Variants in SASS6 observed in about 807,000 individuals in gnomAD.
SASS6 encodes the protein spindle assembly abnormal protein 6 homolog.
Under a neutral mutation model 94.9 loss-of-function variants are expected in SASS6, and 59 were observed. The observed-to-expected ratio is 0.62, with a 90% CI of 0.50 to 0.77. The LOEUF (loss-of-function observed/expected upper bound fraction) is 0.77, where lower values mean the gene tolerates loss of function less well. Among genes scored for constraint, SASS6 ranks in the 30% least tolerant of loss-of-function variants. SASS6 has a pLI of 0.00. For missense variants in SASS6, 698 were observed against 734.1 expected, an observed-to-expected ratio of 0.95 and a Z score of 0.57; for synonymous variants, 264 against 270.0, an observed-to-expected ratio of 0.98 and a Z score of 0.22.
chr1:100,121,362 T>TA lies in SASS6; in HGVS notation c.483+15dup. 6.8e-7 allele frequency: 1 copy of TA among 1,467,446 alleles called. No individual in the cohort carries two copies. Among genetic ancestry groups the TA allele is most frequent in the Non-Finnish European group, 9.3e-7 (1 of 1,080,082 alleles). 90.9% of individuals were successfully genotyped at this position (1,467,446 alleles called of 1,614,324 possible). A position where few individuals can be genotyped will look rare whatever the true frequency, so the allele number is the denominator to read the frequency against. On this transcript the variant is annotated intron_variant, in intron 5 of 16. Transcript: ENST00000287482. ...TACTTATTTTGTTAAAAGAATAACT[T>TA]AAATTTAAATCTTACCTTGCTACAT...
At chr1:100,130,804 C>A (rs1020881722) in intron 1 of SASS6, among the ~76,000 whole-genome samples, 4 of 151,954 alleles carry the variant, frequency 2.6e-5, no homozygotes, top group African/African-American at 9.7e-5. Flanking sequence ...TTAGGCTTTG[C>A]GGGCCATAAG....
Position 100,122,395 on chromosome 1 carries a change from G to T in SASS6, c.296C>A (p.Ala99Asp). ...DLLQQCTQEH[A>D]KEIPRFLLQL... The stretch of plus-strand genomic sequence containing the variant: ...TGCAACTTACCTTGGAATTTCTTTG[G>T]CATGTTCTTGAGTACATTGCTGAAG... The change falls in exon 4 of 17, where the codon GCC becomes GAC. Residue 99 changes from alanine (A) to aspartate (D), a missense_variant. By Grantham distance (126) the Ala-to-Asp change is moderately radical. Coordinates refer to ENST00000287482, the MANE Select transcript of SASS6 (RefSeq NM_194292.3). 3 of 1,492,050 alleles carry T rather than the reference G, an allele frequency of 2.0e-6. No individual in the cohort carries two copies. The highest frequency in any genetic ancestry group is 1.7e-4 in the Middle Eastern group (1 of 5,776). 92.4% of individuals were successfully genotyped at this position (1,492,050 alleles called of 1,614,324 possible). A position where few individuals can be genotyped will look rare whatever the true frequency, so the allele number is the denominator to read the frequency against.
intron 8 of SASS6, among the ~76,000 whole-genome samples, 164 bp downstream of exon 8, chr1:100,110,125 CTTT>C (rs1010422763): frequency 4.1e-4 from 62 of 152,042 alleles, no homozygotes; most frequent in African/African-American, 1.5e-3. Context: ...ATGAATTATG[CTTT>C]TTATCAAATT....
intron 14 of SASS6, among the ~76,000 whole-genome samples, chr1:100,094,913 G>A (rs560817552): frequency 2.7e-5 from 4 of 150,634 alleles, no homozygotes; most frequent in Admixed American, 6.6e-5. Flanking sequence ...TAACTCCAGC[G>A]ATATATAAAA....
chr1:100,131,450 A>C (rs891135998), intron 1 of SASS6, among the ~76,000 whole-genome samples: 3 of 152,216 alleles, frequency 2.0e-5, no homozygotes, highest in African/African-American at 4.8e-5. Flanking sequence ...CAATATACCC[A>C]AAAATATTGC....
intron 1 of SASS6, among the ~76,000 whole-genome samples, chr1:100,130,174 G>A (rs1283688000): frequency 6.6e-6 from 1 of 152,200 alleles, no homozygotes; most frequent in Admixed American, 6.5e-5. Context: ...CTCCTAATCT[G>A]TGCTATGGTG....
chr1:100,106,599 C>T (rs933373782), intron 12 of SASS6, among the ~76,000 whole-genome samples: 7 of 152,178 alleles, frequency 4.6e-5, no homozygotes, highest in Middle Eastern at 6.8e-3. Flanking sequence ...TAAACCTAAA[C>T]GCAGCAATCT....
At chr1:100,099,049 C>T (rs580663) in intron 14 of SASS6, among the ~76,000 whole-genome samples, 12,930 of 152,174 alleles carry the variant, frequency 0.085, 893 homozygotes, top group African/African-American at 0.19. Context: ...GCTTCCCATA[C>T]TTACACATTA....
At chr1:100,110,527 A>G in intron 7 of SASS6, 44 bp from the exon 8 acceptor site, 1 of 1,022,324 alleles carries the variant, frequency 9.8e-7, no homozygotes, top group African/African-American at 1.7e-5. Flanking sequence ...AAAGAAAAAA[A>G]TCAGAAATAC....
chr1:100,108,024 AAATT>A lies in SASS6; in HGVS notation c.862-24_862-21del. 6.7e-7 allele frequency: 1 copy of A among 1,496,134 alleles called. No homozygotes were observed. The allele number at this position is 1,496,134 out of a possible 1,614,324, so 92.7% of individuals were successfully genotyped here. On this transcript the variant is annotated intron_variant, in intron 8 of 16. Transcript: ENST00000287482. ...TAGCTCCTAGAATGGGAAAAGAAAG[AAATT>A]AAGCATTATGAAAAAAGGAAGCTGC...
At chr1:100,097,409 C>A (rs1055735750) in intron 14 of SASS6, among the ~76,000 whole-genome samples, 2 of 152,220 alleles carry the variant, frequency 1.3e-5, no homozygotes, top group Non-Finnish European at 2.9e-5. Context: ...TGTCCATCAA[C>A]TGATGAATGA....
intron 14 of SASS6, among the ~76,000 whole-genome samples, chr1:100,093,174 CTT>C (rs909537970): frequency 9.5e-4 from 83 of 87,390 alleles, no homozygotes; most frequent in African/African-American, 3.5e-3. Flanking sequence ...CTATTGTTTT[CTT>C]TTTTTTTTTT....
chr1:100,085,378 G>A lies in SASS6; in HGVS notation c.1924C>T (p.Leu642Phe), dbSNP rs1271730418. Residue 642 changes from leucine (L) to phenylalanine (F), a missense_variant, in exon 17 of 17, where the codon CTC (leucine) becomes TTC (phenylalanine). Coordinates refer to ENST00000287482, the MANE Select transcript of SASS6 (RefSeq NM_194292.3). The stretch of plus-strand genomic sequence containing the variant: ...AAATAGGCTGAAGACGCAGAGGGGA[G>A]CGCTGTGGGTTTGGAAGATGTATGT... ...ALHTSSKPTA[L>F]PSASSAYFPG... 1 of 1,613,556 alleles carries A rather than the reference G, an allele frequency of 6.2e-7. No homozygotes were observed. Among genetic ancestry groups the A allele is most frequent in the Non-Finnish European group, 8.5e-7 (1 of 1,179,616 alleles).
intron 1 of SASS6, among the ~76,000 whole-genome samples, chr1:100,131,350 T>C (rs1457504552): frequency 6.6e-6 from 1 of 152,098 alleles, no homozygotes; most frequent in Non-Finnish European, 1.5e-5. Context: ...CCACCATACC[T>C]AGCCTACTTT....
chr1:100,119,025 G>C lies in SASS6; in HGVS notation c.662C>G (p.Ala221Gly), dbSNP rs753169135. ...SQELTNEKEKALQAQVQYQQQ... is the reference protein window; with the variant it reads ...SQELTNEKEKGLQAQVQYQQQ... ...TTCCTTTAATGTTCTTACCTGCAAG[G>C]CTTTTTCCTTTTCATTTGTCAGTTC... Residue 221 changes from alanine to glycine, a missense_variant, in exon 7 of 17, where the codon GCC (alanine) becomes GGC (glycine). Ala to Gly is a moderately conservative substitution (Grantham distance 60). Transcript: ENST00000287482. The C allele has an allele frequency of 2.5e-5, 39 of 1,570,334 alleles. No homozygotes were observed. The highest frequency in any genetic ancestry group is 2.7e-5 in the Non-Finnish European group (31 of 1,155,394).
intron 14 of SASS6, among the ~76,000 whole-genome samples, chr1:100,095,384 A>T (rs1161785764): frequency 1.3e-5 from 2 of 152,126 alleles, no homozygotes; most frequent in Non-Finnish European, 2.9e-5. Context: ...ACAAAAAATT[A>T]GCTGGGGGTA....
intron 7 of SASS6, among the ~76,000 whole-genome samples, chr1:100,116,349 A>C (rs55714626): frequency 0.039 from 5,950 of 152,248 alleles, 411 homozygotes; most frequent in African/African-American, 0.13. Flanking sequence ...TGGGCACTTG[A>C]AAAGAGAATA....
At chr1:100,085,693 CAT>C in intron 15 of SASS6, 63 bp from the exon 16 acceptor site, 1 of 863,130 alleles carries the variant, frequency 1.2e-6, no homozygotes, top group Non-Finnish European at 1.9e-6. Flanking sequence ...AGGTTTATCT[CAT>C]ATGTATACAT....
chr1:100,105,449 C>T (rs1414970032), intron 13 of SASS6, among the ~76,000 whole-genome samples: 1 of 151,982 alleles, frequency 6.6e-6, no homozygotes, highest in African/African-American at 2.4e-5. Context: ...ATGGTGTGAA[C>T]CCGGGAGGCG....
Sources: allele counts gnomAD v4.1 joint callset (sites outside exome capture counted in the v4.1 genomes callset), GRCh38; gene constraint gnomAD v4.1.1; transcripts MANE v1.5; gene names NCBI Gene and HGNC (gene_info 2026-07-23, HGNC 2026-07-21).